The following ANO4 variants were observed in gnomAD, a reference collection of about 807,000 sequenced individuals.
ANO4 encodes anoctamin-4.
In ANO4, 69 loss-of-function variants were observed where a neutral mutation model predicts 141.9. The ratio of observed to expected loss-of-function variants is 0.49; its 90% CI spans 0.40 to 0.59. ANO4 has a LOEUF of 0.59. Ranked by LOEUF, ANO4 falls within the 20% of genes least tolerant of loss-of-function variation. The pLI is 0.00. For missense variants in ANO4, 894 were observed against 1,162.2 expected (o/e 0.77, Z 3.36); for synonymous variants, 350 against 394.3 (o/e 0.89, Z 1.33).
chr12:100,919,541 GGT>G (rs1354418335), intron 2 of ANO4, among the ~76,000 whole-genome samples: 1 of 152,036 alleles, frequency 6.6e-6, no homozygotes, highest in African/African-American at 2.4e-5. Context: ...CTAGGTGTGT[GGT>G]AGGCTATACC....
At chr12:101,116,548 C>A in intron 24 of ANO4, 131 bp from the exon 25 acceptor site, 1 of 1,299,236 alleles carries the variant, frequency 7.7e-7, no homozygotes, top group Non-Finnish European at 1.1e-6. Flanking sequence ...CAACCTGAGT[C>A]CTGGTTGACA....
At chr12:101,060,007 G>T (rs1181782382) in intron 14 of ANO4, among the ~76,000 whole-genome samples, 3 of 152,178 alleles carry the variant, frequency 2.0e-5, no homozygotes, top group African/African-American at 7.2e-5. Flanking sequence ...GCTTTCTCCT[G>T]TGGGCATTTA....
chr12:101,060,587 G>C (rs1715620503), intron 14 of ANO4, among the ~76,000 whole-genome samples: 1 of 152,092 alleles, frequency 6.6e-6, no homozygotes, highest in South Asian at 2.1e-4. Flanking sequence ...TATATATTTA[G>C]GACAGTTAGC....
chr12:100,875,955 A>G (rs1400642223), intron 1 of ANO4, among the ~76,000 whole-genome samples: 1 of 147,360 alleles, frequency 6.8e-6, no homozygotes, highest in Non-Finnish European at 1.5e-5. Flanking sequence ...TCAGTTGAAT[A>G]AACAAATCTT....
chr12:100,897,064 T>C (rs906592139), intron 1 of ANO4, among the ~76,000 whole-genome samples: 3 of 152,224 alleles, frequency 2.0e-5, no homozygotes, highest in African/African-American at 7.2e-5. Flanking sequence ...GAATTCTGGC[T>C]ACAGCATCCA....
chr12:100,924,342 G>A (rs1220194318), intron 3 of ANO4, among the ~76,000 whole-genome samples: 1 of 152,064 alleles, frequency 6.6e-6, no homozygotes, highest in African/African-American at 2.4e-5. Flanking sequence ...CCTTACAGAT[G>A]GAACAACTGA....
At chr12:100,811,821 A>C (rs59342869) in intron 1 of ANO4, among the ~76,000 whole-genome samples, 1 of 152,112 alleles carries the variant, frequency 6.6e-6, no homozygotes, top group South Asian at 2.1e-4. Context: ...ATAACTCTTC[A>C]GTTATTATTG....
intron 1 of ANO4, among the ~76,000 whole-genome samples, chr12:100,844,859 A>T (rs1012839130): frequency 2.0e-5 from 3 of 152,094 alleles, no homozygotes; most frequent in South Asian, 2.1e-4. Flanking sequence ...AATAGGGGAG[A>T]TCAACAAGGA....
At chr12:100,950,592 G>C (rs1188790616) in intron 5 of ANO4, among the ~76,000 whole-genome samples, 1 of 152,182 alleles carries the variant, frequency 6.6e-6, no homozygotes, top group African/African-American at 2.4e-5. Flanking sequence ...GGCATGAGAG[G>C]AGCAGAAGAG....
chr12:101,022,616 G>A (rs1247674080), intron 9 of ANO4, among the ~76,000 whole-genome samples: 1 of 152,144 alleles, frequency 6.6e-6, no homozygotes. Context: ...AAACATACTA[G>A]AAAGCAAGTG....
At chr12:100,722,202 T>C (rs1472945001) in intron 1 of ANO4, among the ~76,000 whole-genome samples, 1 of 152,160 alleles carries the variant, frequency 6.6e-6, no homozygotes, top group African/African-American at 2.4e-5. Context: ...CTTTCAACTT[T>C]GCTTTCTCCT....
At chr12:101,089,196 C>T (rs1387562852) in intron 17 of ANO4, among the ~76,000 whole-genome samples, 1 of 152,006 alleles carries the variant, frequency 6.6e-6, no homozygotes, top group Non-Finnish European at 1.5e-5. Context: ...TTGAGTGATT[C>T]CTAAGAGAAT....
chr12:100,829,410 G>A (rs1201180234), intron 1 of ANO4, among the ~76,000 whole-genome samples: 1 of 151,966 alleles, frequency 6.6e-6, no homozygotes, highest in African/African-American at 2.4e-5. Context: ...TGCAATAGTT[G>A]CTCTATAGAA....
chr12:101,016,299 G>A (rs534984655), intron 8 of ANO4, among the ~76,000 whole-genome samples: 7 of 152,126 alleles, frequency 4.6e-5, no homozygotes, highest in Non-Finnish European at 8.8e-5. Flanking sequence ...TGAAGAGAGA[G>A]CAAGCATGTC....
At chr12:100,926,779 T>G (rs1281102604) in intron 3 of ANO4, among the ~76,000 whole-genome samples, 1 of 152,078 alleles carries the variant, frequency 6.6e-6, no homozygotes, top group African/African-American at 2.4e-5. Context: ...TCTGAAAGCC[T>G]GAGCTTCCAA....
At chr12:100,955,084 A>T (rs1391165857) in intron 5 of ANO4, among the ~76,000 whole-genome samples, 1 of 152,228 alleles carries the variant, frequency 6.6e-6, no homozygotes, top group Non-Finnish European at 1.5e-5. Flanking sequence ...GCACACGTGT[A>T]TTGAGCGTCT....
At chr12:100,974,498 C>T (rs1033123549) in intron 6 of ANO4, among the ~76,000 whole-genome samples, 1 of 152,070 alleles carries the variant, frequency 6.6e-6, no homozygotes, top group Non-Finnish European at 1.5e-5. Flanking sequence ...TCCATCTTTG[C>T]ATTTTCCTGG....
In ANO4 at chr12:101,009,020, G is replaced by A. The variant is rs576030586; in HGVS notation, c.735-11014G>A. Among the ~76,000 whole-genome samples, 10 of 152,024 alleles carry A rather than the reference G, an allele frequency of 6.6e-5. No homozygotes were observed. In the East Asian group the frequency reaches 9.7e-4, roughly 15 times the overall value. ...TCTAGTGACTTCCTAATAAGATTAC[G>A]TGGATGATATTATTTTTGCGATCAT... On this transcript the variant is annotated intron_variant, in intron 8 of 27. Coordinates refer to ENST00000392977, the MANE Select transcript of ANO4 (RefSeq NM_001286615.2).
At chr12:100,721,529 A>T (rs1219454939) in intron 1 of ANO4, among the ~76,000 whole-genome samples, 1 of 152,176 alleles carries the variant, frequency 6.6e-6, no homozygotes, top group Non-Finnish European at 1.5e-5. Flanking sequence ...AGCCACTAGT[A>T]GCATGGTGCT....
Sources: gnomAD v4.1 joint callset for allele counts (sites outside exome capture counted in the v4.1 genomes callset) on GRCh38, gnomAD v4.1.1 for gene constraint, MANE v1.5 for transcripts, NCBI Gene and HGNC (gene_info 2026-07-23, HGNC 2026-07-21) for gene names.